Variants in DGKD observed in about 807,000 individuals in gnomAD.
DGKD encodes diacylglycerol kinase delta.
In DGKD, 68 loss-of-function variants were observed where a neutral mutation model predicts 154.4. That is an observed-to-expected ratio of 0.44 (90% CI 0.36 to 0.54). The LOEUF (loss-of-function observed/expected upper bound fraction) is 0.54. Ranked by LOEUF, DGKD falls within the 20% of genes least tolerant of loss-of-function variation. The probability of loss-of-function intolerance (pLI) is 0.00; values close to 1 mark genes in which losing one functional copy is unlikely to be tolerated. For missense variants in DGKD, 1,343 were observed against 1,593.6 expected, an observed-to-expected ratio of 0.84 and a Z score of 2.68; for synonymous variants, 693 against 638.0, an observed-to-expected ratio of 1.09 and a Z score of -1.30.
At chr2:233,455,242 TTCA>T (rs1226340576) in intron 19 of DGKD, among the ~76,000 whole-genome samples, 3 of 152,310 alleles carry the variant, frequency 2.0e-5, no homozygotes, top group African/African-American at 7.2e-5. Context: ...GGTCTGTGTG[TTCA>T]TCACCACCCT....
rs371343948 is a variant in DGKD, at chr2:233,360,807, G to A, written c.156+6133G>A. Among the ~76,000 whole-genome samples, 6 of 152,198 alleles carry A rather than the reference G, an allele frequency of 3.9e-5. No homozygotes were observed. The East Asian group carries it at 1.2e-3, about 29-fold the overall frequency. ...GACAGAAAGACATGTTGGGAAAAAGGTTATGGGAAAATAGAGCCGGAGATT... is the reference window on the plus strand; with the variant it reads ...GACAGAAAGACATGTTGGGAAAAAGATTATGGGAAAATAGAGCCGGAGATT... On this transcript the variant is annotated intron_variant, in intron 1 of 29. Transcript: ENST00000264057.
chr2:233,438,357 A>T lies in DGKD; in HGVS notation c.1063A>T (p.Met355Leu). The T allele has an allele frequency of 6.2e-7, 1 of 1,613,538 alleles. No homozygotes were observed. The highest frequency in any genetic ancestry group is 8.5e-7 in the Non-Finnish European group (1 of 1,179,524). The change falls in exon 9 of 30, where the codon ATG (methionine) becomes TTG (leucine). Residue 355 changes from methionine (M) to leucine (L), a missense_variant. Around this residue, in one of 6 missense-constraint regions of DGKD, gnomAD observed 56 missense variants for 111.1 expected, o/e 0.50. Coordinates refer to ENST00000264057, the MANE Select transcript of DGKD (RefSeq NM_152879.3). The surrounding 1 kb of genome is among the most constrained non-coding windows in gnomAD (Gnocchi z 4.1). The part of the protein sequence containing the change: ...LLNPAQVFDL[M>L]NGGPHLGLRL... ...AAACCCCGCCCAGGTCTTCGACCTC[A>T]TGAACGGAGGCCCACACCTCGGGTA...
intron 19 of DGKD, 68 bp downstream of exon 19, chr2:233,454,941 A>C (rs570025642): frequency 2.0e-6 from 2 of 985,172 alleles, no homozygotes; most frequent in Admixed American, 3.6e-5. Context: ...AGACAGTAGC[A>C]GATTTCTGGA....
intron 3 of DGKD, among the ~76,000 whole-genome samples, chr2:233,410,958 T>C (rs571160395): frequency 2.2e-4 from 33 of 152,376 alleles, no homozygotes; most frequent in African/African-American, 7.9e-4. Context: ...GAATGCTATA[T>C]AAATTGAGTA....
chr2:233,404,054 T>TGTGTTATATACATGTATAATTTTGTG (rs2061622563), intron 3 of DGKD, among the ~76,000 whole-genome samples: 1 of 150,098 alleles, frequency 6.7e-6, no homozygotes, highest in Non-Finnish European at 1.5e-5. Context: ...CAAAATTACA[T>TGTGTTATATACATGTATAATTTTGTG]TTTACATGTG....
In DGKD at chr2:233,395,161, T is replaced by C. The variant is rs570336932; in HGVS notation, c.348+4678T>C. ...GGCTGAATGTATTGTGCTTTCTTGT[T>C]TGTTTGTTTGTTTATTTATTTATTT... On this transcript the variant is annotated intron_variant, in intron 3 of 29. Coordinates refer to ENST00000264057, the MANE Select transcript of DGKD (RefSeq NM_152879.3). 1.1e-4 allele frequency among the ~76,000 whole-genome samples: 8 copies of C among 69,758 alleles called. No homozygotes were observed. In the South Asian group the frequency reaches 3.1e-3, roughly 27 times the overall value. The allele number at this position is 69,758 out of a possible 152,430, so 45.8% of individuals were successfully genotyped here. A position where few individuals can be genotyped will look rare whatever the true frequency, so the allele number is the denominator to read the frequency against.
intron 1 of DGKD, chr2:233,385,984 TGTGCGTGTGC>T: frequency 2.1e-6 from 1 of 470,636 alleles, no homozygotes; most frequent in Non-Finnish European, 4.4e-6. Context: ...TCAGAAAGAT[TGTGCGTGTGC>T]GTGTGTGTGC....
chr2:233,403,822 A>G (rs1338236053), intron 3 of DGKD, among the ~76,000 whole-genome samples: 1 of 151,874 alleles, frequency 6.6e-6, no homozygotes, highest in Non-Finnish European at 1.5e-5. Context: ...TTGTATTTTT[A>G]GTAGAGACGG....
At chr2:233,360,267 T>G (rs964275972) in intron 1 of DGKD, among the ~76,000 whole-genome samples, 6 of 152,008 alleles carry the variant, frequency 3.9e-5, no homozygotes, top group Non-Finnish European at 8.8e-5. Flanking sequence ...TAAAAAAATT[T>G]TTTTTCTTTT....
Position 233,462,109 on chromosome 2 carries a change from A to C in DGKD, c.2982-239A>C, listed in dbSNP as rs542748953. Among the ~76,000 whole-genome samples the C allele has an allele frequency of 2.0e-5, 3 of 152,290 alleles. No individual in the cohort carries two copies. The South Asian group carries it at 6.2e-4, about 32-fold the overall frequency. ...TCATTTTGTACATTTCTCTCCCTGG[A>C]AAATCTTGGATTTTGACGTCAGATT... On this transcript the variant is annotated intron_variant, in intron 24 of 29. Coordinates refer to ENST00000264057, the MANE Select transcript of DGKD (RefSeq NM_152879.3).
intron 3 of DGKD, among the ~76,000 whole-genome samples, chr2:233,431,176 G>A (rs2062496488): frequency 6.6e-6 from 1 of 152,176 alleles, no homozygotes; most frequent in Admixed American, 6.5e-5. Flanking sequence ...ATTTCTGTAT[G>A]TACCAACAGT....
intron 1 of DGKD, among the ~76,000 whole-genome samples, chr2:233,357,681 C>G (rs1455250224): frequency 6.6e-6 from 1 of 151,998 alleles, no homozygotes; most frequent in African/African-American, 2.4e-5. Flanking sequence ...GGACTACAGG[C>G]AAATGCCACC....
intron 1 of DGKD, among the ~76,000 whole-genome samples, chr2:233,386,501 C>T (rs867324886): frequency 3.2e-5 from 4 of 126,674 alleles, no homozygotes; most frequent in Admixed American, 1.0e-4. Flanking sequence ...CTGTTTTGGA[C>T]GGGACCTCAG....
chr2:233,417,367 A>G (rs965349112), intron 3 of DGKD, among the ~76,000 whole-genome samples: 1 of 152,054 alleles, frequency 6.6e-6, no homozygotes, highest in Admixed American at 6.6e-5. Flanking sequence ...GCAGTTCTGT[A>G]TTTACTGTAG....
intron 1 of DGKD, among the ~76,000 whole-genome samples, chr2:233,370,584 T>G (rs924262914): frequency 6.7e-6 from 1 of 149,790 alleles, no homozygotes. Flanking sequence ...TTTTTTTTTT[T>G]TTTTTGTTTG....
intron 3 of DGKD, among the ~76,000 whole-genome samples, chr2:233,400,545 C>T (rs1389262571): frequency 6.6e-6 from 1 of 152,256 alleles, no homozygotes; most frequent in Non-Finnish European, 1.5e-5. Context: ...TGCCTCTCCT[C>T]TCACGGCTCT....
At position 233,438,147 on chromosome 2, in the gene DGKD, G is replaced by C. The variant is rs1441242644; in HGVS notation, c.923-70G>C. ...TCCTTTGGGGGGGTCTGCTGCTGCT[G>C]ATTCCATCAGTGGTGCCCTCAGCGT... is the stretch of plus-strand genomic sequence containing the variant. On this transcript the variant is annotated intron_variant, in intron 8 of 29. Coordinates refer to ENST00000264057, the MANE Select transcript of DGKD (RefSeq NM_152879.3). This position sits in a 1 kb window ranked among gnomAD's most constrained non-coding sequence, Gnocchi z 4.1. The C allele has an allele frequency of 6.4e-7, 1 of 1,551,748 alleles. No individual in the cohort carries two copies. The highest frequency in any genetic ancestry group is 2.3e-5 in the East Asian group (1 of 44,168).
Position 233,449,465 on chromosome 2 carries a change from G to GCATGTTGAGAAAACCT in DGKD, c.1888+91_1888+106dup, listed in dbSNP as rs2063197067. On this transcript the variant is annotated intron_variant, in intron 15 of 29. Transcript: ENST00000264057. The surrounding 1 kb of genome is among the most constrained non-coding windows in gnomAD (Gnocchi z 5.3). ...CTGAACACGGAGATGACAGAAGGGT[G>GCATGTTGAGAAAACCT]CATGTTGAGAAAACCTCCACTGCGG... 1 of 1,476,016 alleles carries GCATGTTGAGAAAACCT rather than the reference G, an allele frequency of 6.8e-7. No individual in the cohort carries two copies. 91.4% of individuals were successfully genotyped at this position (1,476,016 alleles called of 1,614,324 possible). A position where few individuals can be genotyped will look rare whatever the true frequency, so the allele number is the denominator to read the frequency against.
intron 1 of DGKD, among the ~76,000 whole-genome samples, chr2:233,375,424 A>G (rs1702525221): frequency 6.6e-6 from 1 of 152,136 alleles, no homozygotes; most frequent in Non-Finnish European, 1.5e-5. Flanking sequence ...CCAGCAAACA[A>G]GTCTGCCATG....
Sources: gnomAD v4.1 joint callset for allele counts (sites outside exome capture counted in the v4.1 genomes callset) on GRCh38, gnomAD v4.1.1 for gene constraint, gnomAD v4.1.1 regional missense constraint, Gnocchi (gnomAD v3.1) non-coding constraint, MANE v1.5 for transcripts, NCBI Gene and HGNC (gene_info 2026-07-23, HGNC 2026-07-21) for gene names.